The following DCP2 variants were observed in gnomAD, a reference collection of about 807,000 sequenced individuals.
DCP2 encodes the protein m7GpppN-mRNA hydrolase.
Under a neutral mutation model 56.1 loss-of-function variants are expected in DCP2, and 30 were observed. The observed-to-expected ratio is 0.53, with a 90% CI of 0.40 to 0.73. DCP2 has a LOEUF of 0.73. DCP2 is among the 30% of genes least tolerant of loss of function. DCP2 has a pLI of 0.00. For missense variants in DCP2, 533 were observed against 502.7 expected (o/e 1.06, Z -0.58); for synonymous variants, 197 against 163.3 (o/e 1.21, Z -1.57).
At chr5:113,012,844 A>G (rs1749733945) in intron 10 of DCP2, among the ~76,000 whole-genome samples, 1 of 151,674 alleles carries the variant, frequency 6.6e-6, no homozygotes, top group African/African-American at 2.4e-5. Flanking sequence ...GGGTTTCACC[A>G]TCTTGGCCAG....
intron 8 of DCP2, among the ~76,000 whole-genome samples, chr5:113,007,130 A>T (rs1018652947): frequency 6.7e-6 from 1 of 148,554 alleles, no homozygotes; most frequent in Non-Finnish European, 1.5e-5. Flanking sequence ...GACTCCATTT[A>T]AAAAAAAAAT....
At position 113,013,999 on chromosome 5, in the gene DCP2, T is replaced by G. The variant is rs2150194468; in HGVS notation, c.*515T>G. 1 of 152,542 alleles carries G rather than the reference T, an allele frequency of 6.6e-6. No individual in the cohort carries two copies. The highest frequency in any genetic ancestry group is 6.5e-5 in the Admixed American group (1 of 15,316). The allele number at this position is 152,542 out of a possible 1,614,324, so 9.4% of individuals were successfully genotyped here. On this transcript the variant is annotated 3_prime_UTR_variant, in exon 11 of 11. Coordinates refer to ENST00000389063, the MANE Select transcript of DCP2 (RefSeq NM_152624.6). ...TCTCTCTGCTTCTAACCACTGAGGC[T>G]CTCTAATCTTCCTCTGGAGTTTTAG...
intron 1 of DCP2, among the ~76,000 whole-genome samples, chr5:112,982,338 C>T (rs1219752299): frequency 6.6e-6 from 1 of 152,152 alleles, no homozygotes; most frequent in South Asian, 2.1e-4. Flanking sequence ...GGACTCGTTG[C>T]TCCTCAGACT....
At position 113,001,548 on chromosome 5, in the gene DCP2, A is replaced by G. The variant is rs1749180387; in HGVS notation, c.699-19A>G. ...GTCTGTAGCCATATTTTGAAAGTGA[A>G]TTCTTAATGTTTCTGCAGACCATTA... On this transcript the variant is annotated intron_variant, in intron 6 of 10. Transcript: ENST00000389063. 3.1e-6 allele frequency: 5 copies of G among 1,612,560 alleles called. No individual in the cohort carries two copies. Among genetic ancestry groups the G allele is most frequent in the Non-Finnish European group, 3.4e-6 (4 of 1,178,698 alleles).
intron 2 of DCP2, among the ~76,000 whole-genome samples, chr5:112,986,270 T>G (rs759279768): frequency 6.6e-6 from 1 of 152,182 alleles, no homozygotes; most frequent in Non-Finnish European, 1.5e-5. Context: ...AACTTTACTC[T>G]TGCTGCTGCA....
intron 4 of DCP2, among the ~76,000 whole-genome samples, chr5:113,000,443 G>C (rs1337228761): frequency 7.2e-6 from 1 of 138,924 alleles, no homozygotes; most frequent in Non-Finnish European, 1.5e-5. Flanking sequence ...CCCTACCTGA[G>C]TTTTTAATAT....
At chr5:112,993,119 A>G (rs543199875) in intron 4 of DCP2, among the ~76,000 whole-genome samples, 1 of 152,122 alleles carries the variant, frequency 6.6e-6, no homozygotes, top group African/African-American at 2.4e-5. Flanking sequence ...TGGCTTCCTG[A>G]CAAGTGCACA....
chr5:113,009,679 C>G (rs1444479059), intron 9 of DCP2, among the ~76,000 whole-genome samples: 1 of 152,122 alleles, frequency 6.6e-6, no homozygotes, highest in Non-Finnish European at 1.5e-5. Context: ...TATCGTAGAT[C>G]TGTGCAGTGG....
At chr5:112,992,339 G>A in intron 3 of DCP2, 91 bp downstream of exon 3, 3 of 1,475,240 alleles carry the variant, frequency 2.0e-6, no homozygotes, top group Admixed American at 2.4e-5. Flanking sequence ...CTAAATTGAG[G>A]TTTTAAAATA....
In DCP2 at chr5:113,003,969, G is replaced by A. The variant is rs371078078; in HGVS notation, c.834G>A (p.Gln278=). The part of the protein sequence containing the change: ...LSRTKFRHSQ[Q]LFPDGSPGDQ... ...GAACCAAATTCCGCCACAGTCAGCAGTTATTTCCTGACGGTTCTCCTGGTG... is the reference window on the plus strand; with the variant it reads ...GAACCAAATTCCGCCACAGTCAGCAATTATTTCCTGACGGTTCTCCTGGTG... The change falls in exon 8 of 11, where the codon CAG becomes CAA. Residue 278 remains glutamine (Q), a synonymous_variant. Coordinates refer to ENST00000389063, the MANE Select transcript of DCP2 (RefSeq NM_152624.6). The A allele has an allele frequency of 3.5e-5, 57 of 1,613,988 alleles. No individual in the cohort carries two copies. The highest frequency in any genetic ancestry group is 3.3e-4 in the Middle Eastern group (2 of 6,082).
Position 113,001,362 on chromosome 5 carries a change from T to C in DCP2, c.591T>C (p.Ile197=). 6.2e-7 allele frequency: 1 copy of C among 1,610,730 alleles called. No homozygotes were observed. ...TATTTTCTTCTGTGTTTCAGAACAT[T>C]GAGTGGTTCTCTATTGAGAAATTGC... ...NPKTRREIRN[I]EWFSIEKLPC... is the part of the protein sequence containing the mutation. The change falls in exon 6 of 11, where the codon ATT becomes ATC. Residue 197 remains isoleucine, a synonymous_variant. Coordinates refer to ENST00000389063, the MANE Select transcript of DCP2 (RefSeq NM_152624.6).
intron 9 of DCP2, 116 bp downstream of exon 9, chr5:113,008,158 AG>A: frequency 1.2e-6 from 1 of 852,666 alleles, no homozygotes; most frequent in Non-Finnish European, 1.8e-6. Flanking sequence ...TTGATATACT[AG>A]TAGGATTTTT....
intron 4 of DCP2, among the ~76,000 whole-genome samples, chr5:112,993,950 T>A (rs943220095): frequency 4.0e-5 from 6 of 151,776 alleles, no homozygotes; most frequent in African/African-American, 1.5e-4. Flanking sequence ...ATCATAGTTT[T>A]AATTTTTATT....
intron 1 of DCP2, among the ~76,000 whole-genome samples, chr5:112,979,395 T>A (rs1747892760): frequency 6.6e-6 from 1 of 151,432 alleles, no homozygotes; most frequent in Non-Finnish European, 1.5e-5. Flanking sequence ...AGACTAAAAC[T>A]TTTTTTTTAC....
intron 2 of DCP2, 100 bp from the exon 3 acceptor site, chr5:112,992,021 T>A (rs1196253171): frequency 6.7e-7 from 1 of 1,500,266 alleles, no homozygotes; most frequent in Non-Finnish European, 9.0e-7. Context: ...TTTGAATAAT[T>A]TCACATGAAA....
In DCP2 at chr5:113,015,907, T is replaced by C. The variant is rs1310759236; in HGVS notation, c.*2423T>C. ...TCAAGTGATAAAGGAGTATGCTGAA[T>C]ATGCAATCATTTACTTCTACTGAGT... On this transcript the variant is annotated 3_prime_UTR_variant, in exon 11 of 11. Transcript: ENST00000389063. The C allele has an allele frequency of 6.6e-6, 1 of 152,654 alleles. No individual in the cohort carries two copies. Among genetic ancestry groups the C allele is most frequent in the Non-Finnish European group, 1.5e-5 (1 of 68,034 alleles). 9.5% of individuals were successfully genotyped at this position (152,654 alleles called of 1,614,324 possible). A position where few individuals can be genotyped will look rare whatever the true frequency, so the allele number is the denominator to read the frequency against.
intron 4 of DCP2, among the ~76,000 whole-genome samples, chr5:113,000,856 G>T (rs192206541): frequency 9.9e-5 from 15 of 152,276 alleles, no homozygotes; most frequent in African/African-American, 3.6e-4. Context: ...GTCTACAGTG[G>T]ACTGGTTCTC....
At position 113,017,069 on chromosome 5, in the gene DCP2, TTTTATC is replaced by T. The variant is rs1418718370; in HGVS notation, c.*3591_*3596del. 1 of 152,006 alleles carries T rather than the reference TTTTATC, an allele frequency of 6.6e-6. No individual in the cohort carries two copies. Among genetic ancestry groups the T allele is most frequent in the Non-Finnish European group, 1.5e-5 (1 of 67,992 alleles). The allele number at this position is 152,006 out of a possible 1,614,324, so 9.4% of individuals were successfully genotyped here. A position where few individuals can be genotyped will look rare whatever the true frequency, so the allele number is the denominator to read the frequency against. On this transcript the variant is annotated 3_prime_UTR_variant, in exon 11 of 11. Coordinates refer to ENST00000389063, the MANE Select transcript of DCP2 (RefSeq NM_152624.6). The stretch of plus-strand genomic sequence containing the variant: ...TTGGTCAGGGTGGTCTCTCTTGGCT[TTTTATC>T]TTTATTTTTGTACCAGTGGACCTTC...
chr5:113,007,371 G>A (rs1411525846), intron 8 of DCP2, among the ~76,000 whole-genome samples: 3 of 138,648 alleles, frequency 2.2e-5, no homozygotes, highest in African/African-American at 8.2e-5. Context: ...AAGAGGTGTG[G>A]AAAGATTTCT....
Sources: allele counts gnomAD v4.1 joint callset (sites outside exome capture counted in the v4.1 genomes callset), GRCh38; gene constraint gnomAD v4.1.1; transcripts MANE v1.5; gene names NCBI Gene and HGNC (gene_info 2026-07-23, HGNC 2026-07-21).